The following ZMYND12 variants were observed in gnomAD, a reference collection of about 807,000 sequenced individuals.
ZMYND12 encodes zinc finger MYND domain-containing protein 12.
Under a neutral mutation model 41.7 loss-of-function variants are expected in ZMYND12, and 32 were observed. The observed-to-expected ratio is 0.77, with a 90% confidence interval of 0.58 to 1.03. ZMYND12 has a LOEUF of 1.03. ZMYND12 is among the 50% of genes least tolerant of loss of function. The pLI, the probability that ZMYND12 is intolerant of heterozygous loss-of-function variation, is 0.00. For missense variants in ZMYND12, 424 were observed against 438.5 expected, an observed-to-expected ratio of 0.97 and a Z score of 0.30; for synonymous variants, 148 against 164.8, an observed-to-expected ratio of 0.90 and a Z score of 0.78.
Position 42,439,913 on chromosome 1 carries a change from T to C in ZMYND12, c.537A>G (p.Gly179=). The change falls in exon 4 of 8, where the codon GGA becomes GGG. Residue 179 remains glycine (G), a synonymous_variant. Transcript: ENST00000372565. ...AGTTTTTCTTAGCTATATAGAGAAG[T>C]CCCAGATTCCGATGCAGTAAAGAGT... ...ATHSLLHRNL[G]LLYIAKKNYE... 1 of 1,614,116 alleles carries C rather than the reference T, an allele frequency of 6.2e-7. No individual in the cohort carries two copies. Among genetic ancestry groups the C allele is most frequent in the Middle Eastern group, 1.6e-4 (1 of 6,062 alleles).
Position 42,448,517 on chromosome 1 carries a change from C to T in ZMYND12, c.374G>A (p.Ser125Asn), listed in dbSNP as rs1309003754. The change falls in exon 3 of 8, where the codon AGC (serine) becomes AAC (asparagine). Residue 125 changes from serine (S) to asparagine (N), a missense_variant. Ser to Asn is a conservative substitution (Grantham distance 46). Coordinates refer to ENST00000372565, the MANE Select transcript of ZMYND12 (RefSeq NM_032257.5). ...GTAAGCAGGCACAAGCTCTACGGAG[C>T]TCAGGCCATACAGCTTCACACGGAA... ...LRFRVKLYGL[S>N]SVELVPAYLL... The T allele has an allele frequency of 1.2e-6, 2 of 1,612,574 alleles. No homozygotes were observed. The highest frequency in any genetic ancestry group is 2.7e-5 in the African/African-American group (2 of 74,870).
At chr1:42,434,706 T>C (rs1252763847) in intron 6 of ZMYND12, among the ~76,000 whole-genome samples, 1 of 151,668 alleles carries the variant, frequency 6.6e-6, no homozygotes, top group Non-Finnish European at 1.5e-5. Context: ...TCTGTCACTG[T>C]CACCCATCAC....
At chr1:42,450,138 C>A (rs982066041) in intron 1 of ZMYND12, 79 bp from the exon 2 acceptor site, 41 of 1,521,556 alleles carry the variant, frequency 2.7e-5, no homozygotes, top group Non-Finnish European at 3.6e-5. Context: ...ACTGGCCTAT[C>A]CCTAGACACC....
intron 1 of ZMYND12, among the ~76,000 whole-genome samples, chr1:42,452,780 T>C (rs2148411283): frequency 6.6e-6 from 1 of 152,336 alleles, no homozygotes; most frequent in South Asian, 2.1e-4. Context: ...AGAATGGTCA[T>C]AATCCACTAT....
rs778442980 is a variant in ZMYND12 at position 42,439,983 on chromosome 1, G to C, written c.467C>G (p.Ala156Gly). 8 of 1,613,368 alleles carry C rather than the reference G, an allele frequency of 5.0e-6. No homozygotes were observed. In the Admixed American group the frequency reaches 5.0e-5, roughly 10 times the overall value. ...AGTTGATTTGAGGACTGTCCACTGG[G>C]CTTGGAATAGATATTCTTCAGCCTG... Reference protein sequence around the residue: ...IVQAEEYLFQAQWTVLKSTDC... With the variant: ...IVQAEEYLFQGQWTVLKSTDC... Residue 156 changes from alanine (A) to glycine (G), a missense_variant, in exon 4 of 8, where the codon GCC becomes GGC. Coordinates refer to ENST00000372565, the MANE Select transcript of ZMYND12 (RefSeq NM_032257.5).
intron 6 of ZMYND12, among the ~76,000 whole-genome samples, chr1:42,434,134 A>C (rs1642882507): frequency 6.6e-6 from 1 of 152,184 alleles, no homozygotes; most frequent in Non-Finnish European, 1.5e-5. Flanking sequence ...TTGTACTCAC[A>C]GGAATGTTCT....
At chr1:42,444,123 G>C (rs906490508) in intron 3 of ZMYND12, among the ~76,000 whole-genome samples, 1 of 152,062 alleles carries the variant, frequency 6.6e-6, no homozygotes, top group Non-Finnish European at 1.5e-5. Flanking sequence ...TCGACTTCCC[G>C]AAGTGCTGAA....
intron 3 of ZMYND12, among the ~76,000 whole-genome samples, chr1:42,446,179 T>TA (rs1396610157): frequency 6.6e-6 from 1 of 152,096 alleles, no homozygotes; most frequent in Non-Finnish European, 1.5e-5. Flanking sequence ...AGGACGGAGT[T>TA]AGAGAGCGGG....
chr1:42,433,002 C>T lies in ZMYND12; in HGVS notation c.975+141G>A, dbSNP rs544026827. Reference sequence around the variant, plus strand: ...GCTAGACTCAACACAGGAGAAACATCGTGAGCATCTGAACCTCTTTGGAGT... The same window carrying T: ...GCTAGACTCAACACAGGAGAAACATTGTGAGCATCTGAACCTCTTTGGAGT... On this transcript the variant is annotated intron_variant, in intron 7 of 7. Transcript: ENST00000372565. 2.4e-5 allele frequency: 25 copies of T among 1,030,640 alleles called. 1 individual carries two copies. Among genetic ancestry groups the T allele is most frequent in the African/African-American group, 2.3e-4 (14 of 61,828 alleles). 63.8% of individuals were successfully genotyped at this position (1,030,640 alleles called of 1,614,324 possible). A position where few individuals can be genotyped will look rare whatever the true frequency, so the allele number is the denominator to read the frequency against.
In ZMYND12 at chr1:42,445,287, G is replaced by A. The variant is rs191619522; in HGVS notation, c.424+3180C>T. Reference sequence around the variant, plus strand: ...ATCTCTACTAAAACTACAAAAAATAGCTGGGCGTGGTGGTGCGTGCCTGTA... The same window carrying A: ...ATCTCTACTAAAACTACAAAAAATAACTGGGCGTGGTGGTGCGTGCCTGTA... On this transcript the variant is annotated intron_variant, in intron 3 of 7. Transcript: ENST00000372565. Among the ~76,000 whole-genome samples the A allele has an allele frequency of 2.0e-3, 301 of 151,916 alleles. 6 individuals are homozygous for A. The highest frequency in any genetic ancestry group is 2.9e-4 in the Non-Finnish European group (20 of 67,950).
intron 3 of ZMYND12, among the ~76,000 whole-genome samples, chr1:42,443,010 TA>T (rs935031681): frequency 3.3e-5 from 5 of 152,128 alleles, no homozygotes; most frequent in African/African-American, 1.2e-4. Context: ...GACTCTTAAC[TA>T]AGATTGTTTA....
intron 1 of ZMYND12, among the ~76,000 whole-genome samples, chr1:42,455,496 A>T (rs1043526519): frequency 6.6e-6 from 1 of 151,924 alleles, no homozygotes; most frequent in Non-Finnish European, 1.5e-5. Context: ...CTGGTCTCGA[A>T]CTCCTGACCT....
chr1:42,448,564 T>C lies in ZMYND12; in HGVS notation c.327A>G (p.Pro109=), dbSNP rs1200822534. Residue 109 remains proline, a synonymous_variant, in exon 3 of 8, where the codon CCA becomes CCG. Coordinates refer to ENST00000372565, the MANE Select transcript of ZMYND12 (RefSeq NM_032257.5). ...GGAAGCGAAGGGACTGCAAAGCTGC[T>C]GGTACAGCATCTTCGTGTTTCCCTT... ...LFEGKHEDAV[P]AALQSLRFRV... is the part of the protein sequence containing the mutation. 6.2e-7 allele frequency: 1 copy of C among 1,613,950 alleles called. No individual in the cohort carries two copies.
intron 3 of ZMYND12, among the ~76,000 whole-genome samples, 163 bp from the exon 4 acceptor site, chr1:42,440,188 A>T (rs1253615122): frequency 1.0e-5 from 1 of 97,344 alleles, no homozygotes; most frequent in Non-Finnish European, 2.1e-5. Context: ...TTGGAAGAGT[A>T]AAAAAAAAAA....
chr1:42,449,768 C>T (rs1312338818), intron 2 of ZMYND12, 150 bp downstream of exon 2: 3 of 849,278 alleles, frequency 3.5e-6, no homozygotes, highest in Admixed American at 5.8e-5. Context: ...AAACAACAGA[C>T]TGGATGGTGT....
intron 3 of ZMYND12, among the ~76,000 whole-genome samples, chr1:42,441,822 G>A (rs546977187): frequency 7.2e-5 from 11 of 152,086 alleles, no homozygotes; most frequent in African/African-American, 2.4e-4. Flanking sequence ...GGGTTTCACC[G>A]TTTTAGCCGG....
chr1:42,437,605 C>T (rs975293899), intron 4 of ZMYND12, among the ~76,000 whole-genome samples: 14 of 151,668 alleles, frequency 9.2e-5, no homozygotes, highest in Non-Finnish European at 1.3e-4. Context: ...CCTCGCCTCC[C>T]GGGTTCAAGT....
rs531114367 is a variant in ZMYND12 at position 42,433,017 on chromosome 1, C to T, written c.975+126G>A. The T allele has an allele frequency of 5.0e-6, 6 of 1,209,192 alleles. No homozygotes were observed. In the African/African-American group the frequency reaches 9.2e-5, roughly 19 times the overall value. 74.9% of individuals were successfully genotyped at this position (1,209,192 alleles called of 1,614,324 possible). ...GGAGAAACATCGTGAGCATCTGAAC[C>T]TCTTTGGAGTGAGGGCTTGCTCTGA... On this transcript the variant is annotated intron_variant, in intron 7 of 7. Coordinates refer to ENST00000372565, the MANE Select transcript of ZMYND12 (RefSeq NM_032257.5).
At chr1:42,436,681 A>T (rs1570347238) in intron 4 of ZMYND12, 138 bp from the exon 5 acceptor site, 1 of 1,020,840 alleles carries the variant, frequency 9.8e-7, no homozygotes, top group East Asian at 2.8e-5. Flanking sequence ...CTGAATTGAC[A>T]TTTCTCCAAA....
Sources: gnomAD v4.1 joint callset for allele counts (sites outside exome capture counted in the v4.1 genomes callset) on GRCh38, gnomAD v4.1.1 for gene constraint, MANE v1.5 for transcripts, NCBI Gene and HGNC (gene_info 2026-07-23, HGNC 2026-07-21) for gene names.